SLC16A7: variants seen among roughly 807,000 people sequenced by gnomAD.
SLC16A7 encodes the protein monocarboxylate transporter 2.
SLC16A7 carries 33 observed loss-of-function variants against 34.9 expected under a neutral mutation model. The observed-to-expected ratio is 0.94, with a 90% confidence interval of 0.72 to 1.26. The LOEUF (loss-of-function observed/expected upper bound fraction) is 1.26, where lower values mean the gene tolerates loss of function less well. Among genes scored for constraint, SLC16A7 ranks in the 50% most tolerant of loss-of-function variants. The pLI is 0.00. For missense variants in SLC16A7, 573 were observed against 578.1 expected (o/e 0.99, Z 0.09); for synonymous variants, 201 against 206.6 (o/e 0.97, Z 0.23).
chr12:59,711,558 G>A (rs114141225), intron 3 of SLC16A7, among the ~76,000 whole-genome samples: 1 of 152,142 alleles, frequency 6.6e-6, no homozygotes, highest in Non-Finnish European at 1.5e-5. Context: ...TCACTCTGTT[G>A]CCCAAGCTGA....
intron 2 of SLC16A7, among the ~76,000 whole-genome samples, chr12:59,682,495 T>C (rs1300537936): frequency 6.6e-6 from 1 of 152,208 alleles, no homozygotes; most frequent in Non-Finnish European, 1.5e-5. Flanking sequence ...GCTTATAGTT[T>C]AGATTTGGAA....
At chr12:59,680,893 A>G (rs936423218) in intron 2 of SLC16A7, among the ~76,000 whole-genome samples, 1 of 152,138 alleles carries the variant, frequency 6.6e-6, no homozygotes, top group African/African-American at 2.4e-5. Context: ...TTCCTCCACC[A>G]AATATTTCTG....
rs1297356650 is a variant in SLC16A7, at chr12:59,780,765, A to T, written c.*1086A>T. 1 of 152,036 alleles carries T rather than the reference A, an allele frequency of 6.6e-6. No homozygotes were observed. Among genetic ancestry groups the T allele is most frequent in the South Asian group, 2.1e-4 (1 of 4,824 alleles). The allele number at this position is 152,036 out of a possible 1,614,324, so 9.4% of individuals were successfully genotyped here. On this transcript the variant is annotated 3_prime_UTR_variant, in exon 6 of 6. Coordinates refer to ENST00000547379, the MANE Select transcript of SLC16A7 (RefSeq NM_001270623.2). The stretch of plus-strand genomic sequence containing the variant: ...GTAATTGGAGGTTACTGTTATGAAT[A>T]CTCCATCTGACTACGACTAAGAGAG...
At chr12:59,682,858 A>G (rs970289211) in intron 2 of SLC16A7, among the ~76,000 whole-genome samples, 4 of 152,114 alleles carry the variant, frequency 2.6e-5, no homozygotes, top group Non-Finnish European at 4.4e-5. Flanking sequence ...CCTGAGGTCG[A>G]GAGTTCGAGA....
intron 1 of SLC16A7, among the ~76,000 whole-genome samples, chr12:59,627,729 CT>C (rs1313816937): frequency 6.6e-6 from 1 of 151,522 alleles, no homozygotes; most frequent in Non-Finnish European, 1.5e-5. Flanking sequence ...GAAACCCCTT[CT>C]TTTTCCCTTT....
chr12:59,744,478 A>G (rs980543072), intron 3 of SLC16A7, among the ~76,000 whole-genome samples: 3 of 152,156 alleles, frequency 2.0e-5, no homozygotes, highest in African/African-American at 7.2e-5. Context: ...TTCCTGCTGA[A>G]AGCCACTTTC....
chr12:59,670,687 A>C (rs115118993), intron 2 of SLC16A7, among the ~76,000 whole-genome samples: 1,684 of 152,296 alleles, frequency 0.011, 30 homozygotes, highest in African/African-American at 0.038. Context: ...GAGAAATTGG[A>C]AGGAAAAACA....
At position 59,694,856 on chromosome 12, in the gene SLC16A7, G is replaced by T. The variant is rs560671589; in HGVS notation, c.-30-9916G>T. Among the ~76,000 whole-genome samples, 30 of 152,036 alleles carry T rather than the reference G, an allele frequency of 2.0e-4. 1 individual carries two copies. The highest frequency in any genetic ancestry group is 7.4e-5 in the Non-Finnish European group (5 of 67,946). ...ATATATGATAGTTAATATATGTAAA[G>T]AAAAGGATGTAACATAGATTAATAT... On this transcript the variant is annotated intron_variant, in intron 2 of 5. Transcript: ENST00000547379.
intron 1 of SLC16A7, among the ~76,000 whole-genome samples, chr12:59,644,449 C>G (rs925837809): frequency 5.9e-5 from 9 of 152,098 alleles, no homozygotes; most frequent in African/African-American, 2.2e-4. Flanking sequence ...TGCCTGTAAT[C>G]CCAGCTACTT....
At chr12:59,640,709 C>G (rs1880644967) in intron 1 of SLC16A7, among the ~76,000 whole-genome samples, 1 of 151,886 alleles carries the variant, frequency 6.6e-6, no homozygotes, top group Admixed American at 6.6e-5. Context: ...AAGTTTTTCA[C>G]AGCCCCTATC....
chr12:59,698,821 G>C lies in SLC16A7; in HGVS notation c.-30-5951G>C, dbSNP rs139489095. 1.4e-3 allele frequency among the ~76,000 whole-genome samples: 214 copies of C among 151,822 alleles called. 1 individual carries two copies. Among genetic ancestry groups the C allele is most frequent in the Middle Eastern group, 6.8e-3 (2 of 294 alleles). The stretch of plus-strand genomic sequence containing the variant: ...GGAGGATATTGTGTAAGAAAACACA[G>C]CTATTGCAAACTGTGATTCAAAAAG... On this transcript the variant is annotated intron_variant, in intron 2 of 5. Transcript: ENST00000547379.
intron 3 of SLC16A7, among the ~76,000 whole-genome samples, chr12:59,743,125 G>T (rs1027181034): frequency 1.3e-5 from 2 of 152,162 alleles, no homozygotes; most frequent in Non-Finnish European, 1.5e-5. Context: ...TTACTCAAGG[G>T]ACTCATCATG....
chr12:59,614,234 G>A (rs928585728), intron 1 of SLC16A7, among the ~76,000 whole-genome samples: 23 of 151,786 alleles, frequency 1.5e-4, no homozygotes, highest in Non-Finnish European at 2.5e-4. Context: ...ATGGAGTTTC[G>A]CCATGTTGGC....
intron 3 of SLC16A7, among the ~76,000 whole-genome samples, chr12:59,756,443 G>GTT (rs1880358231): frequency 6.6e-6 from 1 of 151,728 alleles, no homozygotes; most frequent in Admixed American, 6.6e-5. Context: ...AAAAGTGGAC[G>GTT]AAGGACATGA....
intron 3 of SLC16A7, among the ~76,000 whole-genome samples, chr12:59,743,410 A>G (rs888712534): frequency 2.0e-5 from 3 of 152,222 alleles, no homozygotes. Context: ...AAAGGATACA[A>G]CATCATAATC....
chr12:59,754,582 C>T (rs866070880), intron 3 of SLC16A7, among the ~76,000 whole-genome samples: 7 of 152,264 alleles, frequency 4.6e-5, no homozygotes, highest in African/African-American at 1.7e-4. Flanking sequence ...CTGAATAGAC[C>T]AATAACAGGC....
intron 3 of SLC16A7, among the ~76,000 whole-genome samples, chr12:59,741,746 A>G (rs1376765223): frequency 6.6e-6 from 1 of 152,184 alleles, no homozygotes; most frequent in Non-Finnish European, 1.5e-5. Context: ...GTTGATTTAC[A>G]GCTTATTTTA....
At chr12:59,713,016 T>TC (rs1874429461) in intron 3 of SLC16A7, among the ~76,000 whole-genome samples, 1 of 151,746 alleles carries the variant, frequency 6.6e-6, no homozygotes, top group Non-Finnish European at 1.5e-5. Flanking sequence ...CTTTTCTTTT[T>TC]TTTTCTTTTC....
intron 4 of SLC16A7, among the ~76,000 whole-genome samples, chr12:59,771,681 T>G (rs1882246936): frequency 6.6e-6 from 1 of 152,162 alleles, no homozygotes; most frequent in Admixed American, 6.6e-5. Flanking sequence ...GGACACAGAC[T>G]TTCTGATGTA....
Sources: allele counts gnomAD v4.1 joint callset (sites outside exome capture counted in the v4.1 genomes callset), GRCh38; gene constraint gnomAD v4.1.1; transcripts MANE v1.5; gene names NCBI Gene and HGNC (gene_info 2026-07-23, HGNC 2026-07-21).